The following PMM1 variants were observed in gnomAD, a reference collection of about 807,000 sequenced individuals.
PMM1 encodes the protein brain glucose-1,6-bisphosphatase.
A neutral mutation model predicts 34.0 loss-of-function variants in PMM1; 25 were observed. The ratio of observed to expected loss-of-function variants is 0.73; its 90% confidence interval spans 0.54 to 1.03. PMM1 has a LOEUF of 1.03. Ranked by LOEUF, PMM1 falls within the 50% of genes least tolerant of loss-of-function variation. The probability of loss-of-function intolerance (pLI) is 0.00; values close to 1 mark genes in which losing one functional copy is unlikely to be tolerated. For missense variants in PMM1, 321 were observed against 350.1 expected, an observed-to-expected ratio of 0.92 and a Z score of 0.66; for synonymous variants, 134 against 143.9, an observed-to-expected ratio of 0.93 and a Z score of 0.49.
chr22:41,587,298 G>T (rs1184462505), intron 1 of PMM1, among the ~76,000 whole-genome samples: 2 of 151,388 alleles, frequency 1.3e-5, no homozygotes, highest in Admixed American at 6.6e-5. Flanking sequence ...AAATTAGCTG[G>T]GCGTGGTGGC....
At chr22:41,584,699 G>T in intron 2 of PMM1, 96 bp from the exon 3 acceptor site, 1 of 839,942 alleles carries the variant, frequency 1.2e-6, no homozygotes, top group Non-Finnish European at 1.9e-6. Context: ...TACACCCTTG[G>T]TTTCACATTC....
At chr22:41,577,677 C>T (rs980570516) in intron 7 of PMM1, 131 bp downstream of exon 7, 5 of 774,504 alleles carry the variant, frequency 6.5e-6, no homozygotes, top group Admixed American at 4.8e-5. Context: ...TCTCCAGGAG[C>T]CCCCTAAGAG....
At chr22:41,580,029 A>G in intron 5 of PMM1, 1 of 152,320 alleles carries the variant, frequency 6.6e-6, no homozygotes, top group Non-Finnish European at 1.5e-5. Context: ...AGTCCCCACC[A>G]GCGTCCACTC....
chr22:41,577,731 T>C, intron 7 of PMM1, 77 bp downstream of exon 7: 1 of 1,115,804 alleles, frequency 9.0e-7, no homozygotes, highest in Non-Finnish European at 1.4e-6. Flanking sequence ...CTCAGGTGAT[T>C]TGCATTGGAG....
At chr22:41,579,683 T>A (rs1254235871) in intron 5 of PMM1, 2 of 152,650 alleles carry the variant, frequency 1.3e-5, no homozygotes, top group Admixed American at 6.5e-5. Context: ...GGCCCTGTAG[T>A]CAGAGCCGGG....
intron 2 of PMM1, chr22:41,584,896 C>T (rs371117356): frequency 5.4e-6 from 2 of 367,358 alleles, no homozygotes; most frequent in Admixed American, 4.1e-5. Context: ...ATTCAGCTTC[C>T]TCCTCTGGAA....
At chr22:41,578,694 G>T in intron 6 of PMM1, 112 bp downstream of exon 6, 1 of 820,516 alleles carries the variant, frequency 1.2e-6, no homozygotes, top group South Asian at 1.5e-5. Flanking sequence ...GCCCTGAGCC[G>T]GGGAGGGGCT....
chr22:41,583,887 T>G, intron 5 of PMM1, 72 bp downstream of exon 5: 35 of 950,338 alleles, frequency 3.7e-5, no homozygotes, highest in Non-Finnish European at 5.4e-5. Flanking sequence ...ATTTTACTGA[T>G]GAGAAAATAA....
intron 1 of PMM1, among the ~76,000 whole-genome samples, chr22:41,588,312 C>T (rs755918743): frequency 2.0e-5 from 3 of 152,194 alleles, no homozygotes; most frequent in African/African-American, 4.8e-5. Flanking sequence ...TTCTGCCTCT[C>T]GGGTTCAAGT....
chr22:41,577,506 G>A (rs751386599), intron 7 of PMM1, 66 bp from the exon 8 acceptor site: 75 of 1,523,832 alleles, frequency 4.9e-5, no homozygotes, highest in Middle Eastern at 2.0e-4. Context: ...TGGCTGCTAC[G>A]GACCTGCCCC....
At position 41,586,091 on chromosome 22, in the gene PMM1, C is replaced by G; in HGVS notation, c.190G>C (p.Gly64Arg). 2.5e-6 allele frequency: 4 copies of G among 1,608,792 alleles called. No homozygotes were observed. Among genetic ancestry groups the G allele is most frequent in the Non-Finnish European group, 3.4e-6 (4 of 1,177,856 alleles). ...SDYCKIAEQL[G>R]DGDEVIEKFD... ...TCACTCCTACCTTCATCCCCGTCAC[C>G]CAGCTGCTCAGCGATCTTACAGTAG... Residue 64 changes from glycine to arginine, a missense_variant, in exon 2 of 8, where the codon GGT becomes CGT. Transcript: ENST00000216259.
chr22:41,586,325 C>T (rs564292002), intron 1 of PMM1, 132 bp from the exon 2 acceptor site: 117 of 1,501,906 alleles, frequency 7.8e-5, no homozygotes, highest in Non-Finnish European at 9.8e-5. Context: ...AAAGCTTAGA[C>T]ACCAAAAATT....
At chr22:41,586,837 G>A (rs2067313242) in intron 1 of PMM1, among the ~76,000 whole-genome samples, 1 of 149,492 alleles carries the variant, frequency 6.7e-6, no homozygotes, top group Non-Finnish European at 1.5e-5. Flanking sequence ...GCCAGGCATG[G>A]GCTGGCACGG....
intron 1 of PMM1, chr22:41,588,837 C>A: frequency 3.0e-6 from 3 of 985,502 alleles, no homozygotes; most frequent in Non-Finnish European, 3.6e-6. Context: ...ACTGCTCCCC[C>A]ACGCTAGGAG....
intron 5 of PMM1, among the ~76,000 whole-genome samples, chr22:41,582,739 GC>G (rs2067260671): frequency 6.6e-6 from 1 of 152,254 alleles, no homozygotes; most frequent in East Asian, 1.9e-4. Flanking sequence ...GACGAGCTGG[GC>G]CTGAGAGAAG....
In PMM1 at chr22:41,589,619, C is replaced by T. The variant is rs1249544109; in HGVS notation, c.87+100G>A. 6.8e-6 allele frequency: 7 copies of T among 1,035,910 alleles called. No individual in the cohort carries two copies. In the African/African-American group the frequency reaches 1.1e-4, roughly 16 times the overall value. 64.2% of individuals were successfully genotyped at this position (1,035,910 alleles called of 1,614,324 possible). ...GGTACCGCCGCATCCCACACTCGGT[C>T]CCCGGGTGTCCACGGTCACGCTGCT... On this transcript the variant is annotated intron_variant, in intron 1 of 7. Coordinates refer to ENST00000216259, the MANE Select transcript of PMM1 (RefSeq NM_002676.3).
intron 5 of PMM1, among the ~76,000 whole-genome samples, chr22:41,582,282 A>T (rs2067256357): frequency 6.6e-6 from 1 of 152,104 alleles, no homozygotes; most frequent in Non-Finnish European, 1.5e-5. Context: ...ACACAGCGAG[A>T]TCCCATCCCT....
At chr22:41,585,593 G>A (rs2067298974) in intron 2 of PMM1, among the ~76,000 whole-genome samples, 1 of 152,078 alleles carries the variant, frequency 6.6e-6, no homozygotes, top group South Asian at 2.1e-4. Flanking sequence ...CCAGGTTCAA[G>A]CGATTCTCCT....
chr22:41,584,847 A>AC (rs1322702408), intron 2 of PMM1: 1 of 436,990 alleles, frequency 2.3e-6, no homozygotes, highest in Non-Finnish European at 4.1e-6. Context: ...TTCTGTCAGA[A>AC]CCGCCCTTCC....
Sources: gnomAD v4.1 joint callset for allele counts (sites outside exome capture counted in the v4.1 genomes callset) on GRCh38, gnomAD v4.1.1 for gene constraint, MANE v1.5 for transcripts, NCBI Gene and HGNC (gene_info 2026-07-23, HGNC 2026-07-21) for gene names.